DIAPH3: variants seen among roughly 807,000 people sequenced by gnomAD.
DIAPH3 encodes the protein protein diaphanous homolog 3.
Under a neutral mutation model 144.3 loss-of-function variants are expected in DIAPH3, and 117 were observed. That is an observed-to-expected ratio of 0.81 (90% confidence interval 0.70 to 0.95). The LOEUF (loss-of-function observed/expected upper bound fraction) is 0.95. Among genes scored for constraint, DIAPH3 ranks in the 40% least tolerant of loss-of-function variants. DIAPH3 has a pLI of 0.00. For synonymous variants in DIAPH3, 519 were observed against 488.9 expected, an observed-to-expected ratio of 1.06 and a Z score of -0.81; for missense variants, 1,421 against 1,412.7, an observed-to-expected ratio of 1.01 and a Z score of -0.09.
chr13:59,919,168 G>A (rs546871395), intron 18 of DIAPH3, among the ~76,000 whole-genome samples: 5 of 152,006 alleles, frequency 3.3e-5, no homozygotes, highest in South Asian at 2.1e-4. Context: ...TGAAGAAAAC[G>A]TGAAATTTAT....
chr13:60,086,333 T>C (rs768564064), intron 4 of DIAPH3, among the ~76,000 whole-genome samples: 1 of 152,124 alleles, frequency 6.6e-6, no homozygotes, highest in Non-Finnish European at 1.5e-5. Flanking sequence ...TAATTGTGCA[T>C]ACATAAAACC....
chr13:60,062,179 G>A (rs1010559401), intron 4 of DIAPH3, among the ~76,000 whole-genome samples: 11 of 152,076 alleles, frequency 7.2e-5, no homozygotes, highest in African/African-American at 2.2e-4. Context: ...ATCTTTACCT[G>A]CATCTCAGAA....
intron 22 of DIAPH3, among the ~76,000 whole-genome samples, chr13:59,851,164 A>G (rs921880741): frequency 8.5e-5 from 13 of 152,188 alleles, no homozygotes; most frequent in Non-Finnish European, 1.9e-4. Flanking sequence ...AGCACATCAA[A>G]AAGCTTATCC....
At chr13:60,135,940 C>T (rs1172255413) in intron 1 of DIAPH3, among the ~76,000 whole-genome samples, 1 of 152,114 alleles carries the variant, frequency 6.6e-6, no homozygotes, top group Admixed American at 6.5e-5. Context: ...AACACTATAT[C>T]AAGTGGCAAT....
chr13:59,939,751 T>C (rs1204653223), intron 17 of DIAPH3, among the ~76,000 whole-genome samples: 4 of 152,118 alleles, frequency 2.6e-5, no homozygotes, highest in Non-Finnish European at 5.9e-5. Flanking sequence ...ATATACATAT[T>C]GACTTATATT....
rs975066868 is a variant in DIAPH3 at position 59,704,049 on chromosome 13, C to T, written c.3320-37203G>A. ...CTAGGGCACAGGCCTCCAGGGTTTT[C>T]GACTGATTGTCTGGCAGGTTATCAT... On this transcript the variant is annotated intron_variant, in intron 27 of 27. Coordinates refer to ENST00000400324, the MANE Select transcript of DIAPH3 (RefSeq NM_001042517.2). Among the ~76,000 whole-genome samples, 31 of 152,276 alleles carry T rather than the reference C, an allele frequency of 2.0e-4. 1 individual carries two copies. Among genetic ancestry groups the T allele is most frequent in the South Asian group, 1.7e-3 (8 of 4,820 alleles).
chr13:59,983,951 AC>A (rs1291156871), intron 12 of DIAPH3, 64 bp from the exon 13 acceptor site: 2 of 1,045,870 alleles, frequency 1.9e-6, no homozygotes, highest in African/African-American at 1.6e-5. Context: ...TCAAAACAAA[AC>A]TTTTTGGCTA....
chr13:60,070,599 G>A (rs1260286548), intron 4 of DIAPH3, among the ~76,000 whole-genome samples: 1 of 152,116 alleles, frequency 6.6e-6, no homozygotes. Flanking sequence ...CTTCATTCTG[G>A]TGTCATTCCA....
At chr13:59,870,989 G>T (rs2044234373) in intron 21 of DIAPH3, among the ~76,000 whole-genome samples, 1 of 152,018 alleles carries the variant, frequency 6.6e-6, no homozygotes, top group Non-Finnish European at 1.5e-5. Context: ...TCCTCATACA[G>T]ATCTTATATG....
In DIAPH3 at chr13:59,916,006, C is replaced by A. The variant is rs2047199530; in HGVS notation, c.2265+149G>T. On this transcript the variant is annotated intron_variant, in intron 19 of 27. Coordinates refer to ENST00000400324, the MANE Select transcript of DIAPH3 (RefSeq NM_001042517.2). ...GAGAAGATGCAGCTTTCTCTCCTGG[C>A]AATGCAGAAGTTATGCTAAAACTAA... 16 of 661,754 alleles carry A rather than the reference C, an allele frequency of 2.4e-5. No individual in the cohort carries two copies. In the South Asian group the frequency reaches 2.8e-4, roughly 12 times the overall value. 41.0% of individuals were successfully genotyped at this position (661,754 alleles called of 1,614,324 possible).
At chr13:59,991,619 C>T (rs1433821042) in intron 11 of DIAPH3, among the ~76,000 whole-genome samples, 1 of 151,808 alleles carries the variant, frequency 6.6e-6, no homozygotes, top group Non-Finnish European at 1.5e-5. Flanking sequence ...TAATTATCTA[C>T]CATGAAGAAG....
At chr13:59,839,214 A>G (rs2042205573) in intron 23 of DIAPH3, 110 bp downstream of exon 23, 1 of 1,357,176 alleles carries the variant, frequency 7.4e-7, no homozygotes, top group Non-Finnish European at 1.0e-6. Flanking sequence ...AACTTTCTGT[A>G]ATTTGGCACT....
rs538776143 is a variant in DIAPH3 at position 59,756,501 on chromosome 13, GCAGGCAGGCAGGTAGT to G, written c.3319+17672_3319+17687del. Among the ~76,000 whole-genome samples, 861 of 144,178 alleles carry G rather than the reference GCAGGCAGGCAGGTAGT, an allele frequency of 6.0e-3. 9 individuals are homozygous for G. The highest frequency in any genetic ancestry group is 0.01 in the Non-Finnish European group (662 of 65,322). 94.6% of individuals were successfully genotyped at this position (144,178 alleles called of 152,430 possible). ...GGAAGGAAGGAGGGAAGGAAGGCAG[GCAGGCAGGCAGGTAGT>G]CAGGCAGGCAGGGAGGGAGGGAGGG... On this transcript the variant is annotated intron_variant, in intron 27 of 27. Coordinates refer to ENST00000400324, the MANE Select transcript of DIAPH3 (RefSeq NM_001042517.2).
intron 17 of DIAPH3, among the ~76,000 whole-genome samples, chr13:59,968,910 A>G (rs892565771): frequency 6.6e-6 from 1 of 152,158 alleles, no homozygotes; most frequent in African/African-American, 2.4e-5. Flanking sequence ...CTCTACACAA[A>G]GGTCTCTGAC....
intron 20 of DIAPH3, among the ~76,000 whole-genome samples, chr13:59,894,962 A>G (rs1042869090): frequency 6.6e-6 from 1 of 152,158 alleles, no homozygotes. Context: ...TAAGAAGATG[A>G]CACATAATGC....
intron 27 of DIAPH3, among the ~76,000 whole-genome samples, chr13:59,682,122 A>T (rs946764142): frequency 1.3e-5 from 2 of 152,216 alleles, no homozygotes; most frequent in East Asian, 3.8e-4. Flanking sequence ...TACTGACAAG[A>T]GCAGCAAAAT....
chr13:60,119,957 T>G (rs1405685763), intron 2 of DIAPH3, among the ~76,000 whole-genome samples: 2 of 151,942 alleles, frequency 1.3e-5, no homozygotes, highest in South Asian at 2.1e-4. Context: ...ATAAAATATA[T>G]AAAACATAGT....
chr13:60,014,969 TTTTTGTTTTGTTTTGTTTTG>T (rs71089521), intron 7 of DIAPH3, among the ~76,000 whole-genome samples: 1 of 147,000 alleles, frequency 6.8e-6, no homozygotes, highest in East Asian at 2.0e-4. Context: ...TTTTCTAGTT[TTTTTGTTTTGTTTTGTTTTG>T]TTTTGTTTTG....
intron 25 of DIAPH3, among the ~76,000 whole-genome samples, chr13:59,797,126 TG>T (rs1444864753): frequency 6.6e-6 from 1 of 151,842 alleles, no homozygotes; most frequent in Non-Finnish European, 1.5e-5. Context: ...TTTTAGTAAA[TG>T]AAAAAAAAAC....
Sources: gnomAD v4.1 joint callset for allele counts (sites outside exome capture counted in the v4.1 genomes callset) on GRCh38, gnomAD v4.1.1 for gene constraint, MANE v1.5 for transcripts, NCBI Gene and HGNC (gene_info 2026-07-23, HGNC 2026-07-21) for gene names.